The following DIAPH3 variants were observed in gnomAD, a reference collection of about 807,000 sequenced individuals.
The protein encoded by DIAPH3 is diaphanous related formin 3.
A neutral mutation model predicts 144.3 loss-of-function variants in DIAPH3; 117 were observed. That is an observed-to-expected ratio of 0.81 (90% CI 0.70 to 0.95). The LOEUF is 0.95. Among genes scored for constraint, DIAPH3 ranks in the 40% least tolerant of loss-of-function variants. The probability of loss-of-function intolerance (pLI) is 0.00; values close to 1 mark genes in which losing one functional copy is unlikely to be tolerated. For synonymous variants in DIAPH3, 519 were observed against 488.9 expected (o/e 1.06, Z -0.81); for missense variants, 1,421 against 1,412.7 (o/e 1.01, Z -0.09).
At chr13:59,706,833 T>C (rs1002512259) in intron 27 of DIAPH3, among the ~76,000 whole-genome samples, 2 of 152,216 alleles carry the variant, frequency 1.3e-5, no homozygotes, top group African/African-American at 2.4e-5. Flanking sequence ...CTATTAATAA[T>C]TGTGATTGTC....
At chr13:59,990,358 T>A (rs1480704971) in intron 12 of DIAPH3, among the ~76,000 whole-genome samples, 1 of 151,846 alleles carries the variant, frequency 6.6e-6, no homozygotes, top group African/African-American at 2.4e-5. Context: ...TAAAAAACTC[T>A]TCTACTTGAA....
intron 21 of DIAPH3, among the ~76,000 whole-genome samples, chr13:59,868,886 C>T (rs2044089178): frequency 6.6e-6 from 1 of 152,124 alleles, no homozygotes; most frequent in South Asian, 2.1e-4. Context: ...CCATGTCTTC[C>T]ATTGGCTTAA....
chr13:59,679,867 TTA>T (rs1441300087), intron 27 of DIAPH3, among the ~76,000 whole-genome samples: 1 of 152,246 alleles, frequency 6.6e-6, no homozygotes, highest in African/African-American at 2.4e-5. Context: ...ACGGTATGGT[TTA>T]TGTTAAAGAC....
Position 59,799,139 on chromosome 13 carries a change from T to C in DIAPH3, c.3163+11649A>G, listed in dbSNP as rs2039762925. Reference sequence around the variant, plus strand: ...AGAGAAATCCAATTGTTCTATTTGGTTACCATTCAAAGGCAAACCAGTGAT... The same window carrying C: ...AGAGAAATCCAATTGTTCTATTTGGCTACCATTCAAAGGCAAACCAGTGAT... On this transcript the variant is annotated intron_variant, in intron 25 of 27. Transcript: ENST00000400324. Among the ~76,000 whole-genome samples, 4 of 151,998 alleles carry C rather than the reference T, an allele frequency of 2.6e-5. No homozygotes were observed. In the South Asian group the frequency reaches 8.3e-4, roughly 32 times the overall value.
intron 25 of DIAPH3, among the ~76,000 whole-genome samples, chr13:59,809,116 C>G (rs2040336340): frequency 6.6e-6 from 1 of 152,184 alleles, no homozygotes; most frequent in Non-Finnish European, 1.5e-5. Flanking sequence ...CTGAGACACT[C>G]TGTGTGATCA....
chr13:59,993,125 T>C lies in DIAPH3; in HGVS notation c.1015-542A>G, dbSNP rs536320558. ...TTAATTTATCAGGCAATGGTTCTCA[T>C]ACTTTGGCAAAAATTCAAAATTACC... On this transcript the variant is annotated intron_variant, in intron 9 of 27. Coordinates refer to ENST00000400324, the MANE Select transcript of DIAPH3 (RefSeq NM_001042517.2). Among the ~76,000 whole-genome samples the C allele has an allele frequency of 1.2e-4, 19 of 152,050 alleles. No individual in the cohort carries two copies. The South Asian group carries it at 3.7e-3, about 30-fold the overall frequency.
chr13:60,071,867 CCT>C (rs1197980092), intron 4 of DIAPH3, among the ~76,000 whole-genome samples: 1 of 152,072 alleles, frequency 6.6e-6, no homozygotes, highest in Admixed American at 6.6e-5. Context: ...TACCTATTTG[CCT>C]CTTTTATCTT....
At position 60,001,147 on chromosome 13, in the gene DIAPH3, C is replaced by T. The variant is rs984104067; in HGVS notation, c.1014+7397G>A. On this transcript the variant is annotated intron_variant, in intron 9 of 27. Coordinates refer to ENST00000400324, the MANE Select transcript of DIAPH3 (RefSeq NM_001042517.2). ...ATCTCTCCAGAGCAAAGAGCAGGCT[C>T]ACTTCATGTCTAGTATAATAAAGAT... Among the ~76,000 whole-genome samples the T allele has an allele frequency of 2.0e-5, 3 of 152,172 alleles. 1 individual carries two copies. Among genetic ancestry groups the T allele is most frequent in the Admixed American group, 2.0e-4 (3 of 15,272 alleles).
chr13:60,037,431 A>T (rs2141154297), intron 5 of DIAPH3, among the ~76,000 whole-genome samples: 2 of 152,160 alleles, frequency 1.3e-5, no homozygotes, highest in South Asian at 4.1e-4. Context: ...GTGAAAAAAG[A>T]TTTTAAAGTA....
intron 4 of DIAPH3, among the ~76,000 whole-genome samples, chr13:60,079,556 C>T (rs1012808414): frequency 4.6e-5 from 7 of 151,806 alleles, no homozygotes; most frequent in African/African-American, 1.2e-4. Flanking sequence ...TATACATCTC[C>T]TATAAGTCTA....
rs118146973 is a variant in DIAPH3, at chr13:59,736,677, T to A, written c.3319+37512A>T. Among the ~76,000 whole-genome samples, 681 of 152,140 alleles carry A rather than the reference T, an allele frequency of 4.5e-3. 2 individuals are homozygous for A. Among genetic ancestry groups the A allele is most frequent in the Non-Finnish European group, 7.6e-3 (519 of 67,992 alleles). ...CAAAAATTTAAAATTCATGTGGAAC[T>A]CAAAAAGAGCCCAAATAGTCAAGGC... On this transcript the variant is annotated intron_variant, in intron 27 of 27. Coordinates refer to ENST00000400324, the MANE Select transcript of DIAPH3 (RefSeq NM_001042517.2).
At chr13:60,078,896 CT>C (rs1473751546) in intron 4 of DIAPH3, among the ~76,000 whole-genome samples, 1 of 151,876 alleles carries the variant, frequency 6.6e-6, no homozygotes, top group African/African-American at 2.4e-5. Flanking sequence ...CTGGGAGGTT[CT>C]ACTAACCTTC....
chr13:60,022,746 A>G (rs762797049), intron 5 of DIAPH3, among the ~76,000 whole-genome samples: 4 of 152,204 alleles, frequency 2.6e-5, no homozygotes, highest in Non-Finnish European at 5.9e-5. Flanking sequence ...AAAAAGGGCC[A>G]CATTCTGCAG....
chr13:59,773,637 G>C (rs568717631), intron 27 of DIAPH3, among the ~76,000 whole-genome samples: 1 of 152,200 alleles, frequency 6.6e-6, no homozygotes, highest in African/African-American at 2.4e-5. Flanking sequence ...TGGAGGACTG[G>C]TTAGAGATTT....
At chr13:59,851,999 T>C (rs546606799) in intron 22 of DIAPH3, among the ~76,000 whole-genome samples, 88 of 152,324 alleles carry the variant, frequency 5.8e-4, no homozygotes, top group Non-Finnish European at 8.8e-4. Context: ...CTAATACAAG[T>C]GCCTAGCACA....
At chr13:59,826,192 A>C (rs1431262747) in intron 24 of DIAPH3, among the ~76,000 whole-genome samples, 1 of 149,602 alleles carries the variant, frequency 6.7e-6, no homozygotes, top group Non-Finnish European at 1.5e-5. Flanking sequence ...GCAATTAGGC[A>C]GGAGAAGGAA....
chr13:60,131,932 G>C (rs1356565141), intron 2 of DIAPH3, among the ~76,000 whole-genome samples: 1 of 152,194 alleles, frequency 6.6e-6, no homozygotes, highest in Non-Finnish European at 1.5e-5. Flanking sequence ...GGGCACACTT[G>C]AGCAAGCTAC....
At chr13:59,868,944 C>T (rs57127151) in intron 21 of DIAPH3, among the ~76,000 whole-genome samples, 217 of 152,134 alleles carry the variant, frequency 1.4e-3, no homozygotes, top group African/African-American at 5.0e-3. Flanking sequence ...ATGAATATAC[C>T]ACAGTTTATC....
chr13:59,666,955 TTAGA>T, intron 27 of DIAPH3, 109 bp from the exon 28 acceptor site: 4 of 1,262,984 alleles, frequency 3.2e-6, no homozygotes, highest in Non-Finnish European at 4.5e-6. Flanking sequence ...AGTAGTCTTC[TTAGA>T]TAGACTAAAC....
Sources: gnomAD v4.1 joint callset for allele counts (sites outside exome capture counted in the v4.1 genomes callset) on GRCh38, gnomAD v4.1.1 for gene constraint, MANE v1.5 for transcripts, NCBI Gene and HGNC (gene_info 2026-07-23, HGNC 2026-07-21) for gene names.